KCTD8: variants seen among roughly 807,000 people sequenced by gnomAD.
The protein encoded by KCTD8 is BTB/POZ domain-containing protein KCTD8.
KCTD8 carries 27 observed loss-of-function variants against 31.5 expected under a neutral mutation model. The observed-to-expected ratio is 0.86, with a 90% CI of 0.63 to 1.18. The LOEUF (loss-of-function observed/expected upper bound fraction) is 1.18. KCTD8 is among the 50% of genes most tolerant of loss of function. The pLI is 0.00. For missense variants in KCTD8, 658 were observed against 647.7 expected (o/e 1.02, Z -0.17); for synonymous variants, 290 against 280.0 (o/e 1.04, Z -0.36).
Position 44,437,764 on chromosome 4 carries a change from AT to A in KCTD8, c.961+9798del, listed in dbSNP as rs552178100. On this transcript the variant is annotated intron_variant, in intron 1 of 1. Coordinates refer to ENST00000360029, the MANE Select transcript of KCTD8 (RefSeq NM_198353.3). Reference sequence around the variant, plus strand: ...GTGAAAAAGACGATCAATTTCTACCATTTTCTCCCTAAAGAACTGAGCTATA... The same window carrying A: ...GTGAAAAAGACGATCAATTTCTACCATTTCTCCCTAAAGAACTGAGCTATA... 9.9e-5 allele frequency among the ~76,000 whole-genome samples: 15 copies of A among 152,204 alleles called. 1 individual carries two copies. The South Asian group carries it at 1.9e-3, about 19-fold the overall frequency.
At chr4:44,393,826 G>A (rs1397605505) in intron 1 of KCTD8, among the ~76,000 whole-genome samples, 1 of 151,668 alleles carries the variant, frequency 6.6e-6, no homozygotes, top group Non-Finnish European at 1.5e-5. Context: ...CTCTTATTCT[G>A]TAGAAGCTTA....
chr4:44,192,658 G>A (rs1445950752), intron 1 of KCTD8, among the ~76,000 whole-genome samples: 4 of 152,118 alleles, frequency 2.6e-5, no homozygotes, highest in South Asian at 2.1e-4. Flanking sequence ...TGGTTAATAC[G>A]AATGCCAACT....
intron 1 of KCTD8, among the ~76,000 whole-genome samples, chr4:44,251,166 C>CT: frequency 6.6e-6 from 1 of 151,560 alleles, no homozygotes; most frequent in Non-Finnish European, 1.5e-5. Flanking sequence ...TTTTGGGGCT[C>CT]TTTTTTCATT....
chr4:44,263,649 G>GA (rs1441371043), intron 1 of KCTD8, among the ~76,000 whole-genome samples: 4 of 151,948 alleles, frequency 2.6e-5, no homozygotes, highest in South Asian at 2.1e-4. Context: ...ACCAATTTTG[G>GA]AAAAAAATGG....
chr4:44,290,013 A>G (rs1004807041), intron 1 of KCTD8, among the ~76,000 whole-genome samples: 1 of 152,198 alleles, frequency 6.6e-6, no homozygotes, highest in Non-Finnish European at 1.5e-5. Flanking sequence ...AAAAAGGCAT[A>G]GAGTGGGAAG....
At chr4:44,387,642 TG>T (rs1346022904) in intron 1 of KCTD8, among the ~76,000 whole-genome samples, 1 of 151,960 alleles carries the variant, frequency 6.6e-6, no homozygotes, top group Non-Finnish European at 1.5e-5. Flanking sequence ...ATTTAATAAA[TG>T]GTGCTGAGAT....
At chr4:44,393,253 G>A (rs796426129) in intron 1 of KCTD8, among the ~76,000 whole-genome samples, 13 of 152,070 alleles carry the variant, frequency 8.5e-5, no homozygotes, top group African/African-American at 3.1e-4. Context: ...TTCGGTAAAG[G>A]AGACATGGTA....
At chr4:44,197,409 A>C (rs1409079355) in intron 1 of KCTD8, among the ~76,000 whole-genome samples, 10 of 152,212 alleles carry the variant, frequency 6.6e-5, no homozygotes, top group Admixed American at 5.9e-4. Context: ...TCCAAGGCCC[A>C]GGAGCAGATC....
chr4:44,440,258 A>AGT (rs1721784554), intron 1 of KCTD8, among the ~76,000 whole-genome samples: 1 of 152,102 alleles, frequency 6.6e-6, no homozygotes, highest in African/African-American at 2.4e-5. Flanking sequence ...AATATAAAGA[A>AGT]GTGTGTGTGT....
At chr4:44,224,419 C>A (rs547184354) in intron 1 of KCTD8, among the ~76,000 whole-genome samples, 15 of 152,316 alleles carry the variant, frequency 9.8e-5, no homozygotes, top group Non-Finnish European at 2.2e-4. Context: ...ATTCATTATA[C>A]AATCTCTATC....
intron 1 of KCTD8, among the ~76,000 whole-genome samples, chr4:44,349,988 T>C (rs1301364979): frequency 1.3e-5 from 2 of 152,170 alleles, no homozygotes; most frequent in Non-Finnish European, 2.9e-5. Flanking sequence ...ATTATTTCCA[T>C]CTACCACTGA....
chr4:44,398,154 A>T (rs1031674934), intron 1 of KCTD8, among the ~76,000 whole-genome samples: 1 of 152,190 alleles, frequency 6.6e-6, no homozygotes, highest in Non-Finnish European at 1.5e-5. Flanking sequence ...AATAGCTGGA[A>T]TTTATATAGC....
At chr4:44,240,583 C>T (rs764838816) in intron 1 of KCTD8, among the ~76,000 whole-genome samples, 3 of 152,150 alleles carry the variant, frequency 2.0e-5, no homozygotes, top group East Asian at 3.9e-4. Context: ...AACGAATTCT[C>T]CCACCTAAGC....
chr4:44,175,382 A>T lies in KCTD8; in HGVS notation c.962-132T>A, dbSNP rs1026788068. On this transcript the variant is annotated intron_variant, in intron 1 of 1. Transcript: ENST00000360029. ...TTTTAACAAAAATGGTGCATATTGT[A>T]CTAGTCTAGGTTTGTGAGATTAAAT... is the stretch of plus-strand genomic sequence containing the variant. The T allele has an allele frequency of 5.2e-6, 3 of 575,090 alleles. No individual in the cohort carries two copies. The Admixed American group carries it at 1.0e-4, about 20-fold the overall frequency. The allele number at this position is 575,090 out of a possible 1,614,324, so 35.6% of individuals were successfully genotyped here. A position where few individuals can be genotyped will look rare whatever the true frequency, so the allele number is the denominator to read the frequency against.
chr4:44,401,080 T>C (rs1440037473), intron 1 of KCTD8, among the ~76,000 whole-genome samples: 1 of 137,046 alleles, frequency 7.3e-6, no homozygotes, highest in Non-Finnish European at 1.5e-5. Context: ...CTCAAACTCC[T>C]GACCTCAAGT....
intron 1 of KCTD8, among the ~76,000 whole-genome samples, chr4:44,241,502 A>G (rs1715455394): frequency 6.6e-6 from 1 of 152,238 alleles, no homozygotes; most frequent in Admixed American, 6.5e-5. Context: ...AATAGCTTCC[A>G]AAAGTTAAGC....
At chr4:44,222,010 A>G (rs1714822373) in intron 1 of KCTD8, among the ~76,000 whole-genome samples, 1 of 152,208 alleles carries the variant, frequency 6.6e-6, no homozygotes, top group African/African-American at 2.4e-5. Flanking sequence ...AATAAAATCA[A>G]TAACCATGTC....
At chr4:44,362,770 T>A (rs998367010) in intron 1 of KCTD8, among the ~76,000 whole-genome samples, 18 of 116,658 alleles carry the variant, frequency 1.5e-4, no homozygotes, top group African/African-American at 4.5e-4. Flanking sequence ...TTAAAGGTAA[T>A]TTTTTTTTTT....
chr4:44,373,808 A>G (rs1310476408), intron 1 of KCTD8, among the ~76,000 whole-genome samples: 2 of 152,168 alleles, frequency 1.3e-5, no homozygotes, highest in African/African-American at 2.4e-5. Context: ...TCTAAAAAGA[A>G]TAAGATAAGG....
Sources: gnomAD v4.1 joint callset for allele counts (sites outside exome capture counted in the v4.1 genomes callset) on GRCh38, gnomAD v4.1.1 for gene constraint, MANE v1.5 for transcripts, NCBI Gene and HGNC (gene_info 2026-07-23, HGNC 2026-07-21) for gene names.